The following SLC4A10 variants were observed in gnomAD, a reference collection of about 807,000 sequenced individuals.
SLC4A10 encodes the protein solute carrier family 4 member 10.
In SLC4A10, 42 loss-of-function variants were observed where a neutral mutation model predicts 137.7. The ratio of observed to expected loss-of-function variants is 0.30; its 90% CI spans 0.24 to 0.39. The LOEUF (loss-of-function observed/expected upper bound fraction) is 0.39, where lower values mean the gene tolerates loss of function less well. Ranked by LOEUF, SLC4A10 falls within the 10% of genes least tolerant of loss-of-function variation. The pLI is 1.00. For missense variants in SLC4A10, 925 were observed against 1,355.0 expected, an observed-to-expected ratio of 0.68 and a Z score of 4.98; for synonymous variants, 474 against 464.1, an observed-to-expected ratio of 1.02 and a Z score of -0.27.
At chr2:161,824,580 C>T (rs978428933) in intron 3 of SLC4A10, among the ~76,000 whole-genome samples, 34 of 151,902 alleles carry the variant, frequency 2.2e-4, no homozygotes, top group African/African-American at 7.5e-4. Context: ...GAAGATGACT[C>T]GATGAAGATG....
chr2:161,758,382 G>A (rs1243718687), intron 1 of SLC4A10, among the ~76,000 whole-genome samples: 3 of 151,738 alleles, frequency 2.0e-5, no homozygotes, highest in African/African-American at 7.3e-5. Flanking sequence ...ATCTCCTCAT[G>A]TTTTATTTAT....
intron 15 of SLC4A10, among the ~76,000 whole-genome samples, chr2:161,935,852 T>C (rs1349909339): frequency 6.6e-6 from 1 of 152,186 alleles, no homozygotes; most frequent in African/African-American, 2.4e-5. Flanking sequence ...GTAGGCATTC[T>C]TGTCTTATTC....
chr2:161,715,985 G>A (rs1055494691), intron 1 of SLC4A10, among the ~76,000 whole-genome samples: 1 of 151,958 alleles, frequency 6.6e-6, no homozygotes, highest in African/African-American at 2.4e-5. Flanking sequence ...CCACAGCCTC[G>A]CTAGCATCTG....
At chr2:161,793,875 G>T (rs1440085333) in intron 2 of SLC4A10, among the ~76,000 whole-genome samples, 4 of 152,156 alleles carry the variant, frequency 2.6e-5, no homozygotes, top group African/African-American at 9.6e-5. Flanking sequence ...ATAAGATTAT[G>T]CATGTTTTTC....
At chr2:161,950,659 A>T in intron 18 of SLC4A10, 28 bp from the exon 19 acceptor site, 1 of 1,561,630 alleles carries the variant, frequency 6.4e-7, no homozygotes. Context: ...TCCAGTTCAT[A>T]ACTATGCACA....
At chr2:161,806,460 C>G (rs542427611) in intron 3 of SLC4A10, among the ~76,000 whole-genome samples, 1 of 152,236 alleles carries the variant, frequency 6.6e-6, no homozygotes, top group Non-Finnish European at 1.5e-5. Context: ...TCCTTTGCTT[C>G]CTTTATAAAA....
Position 161,713,156 on chromosome 2 carries a change from T to C in SLC4A10, c.49-57817T>C, listed in dbSNP as rs550772286. Among the ~76,000 whole-genome samples the C allele has an allele frequency of 5.3e-5, 8 of 151,964 alleles. No homozygotes were observed. The South Asian group carries it at 1.7e-3, about 31-fold the overall frequency. ...ATAGTTCATTTTGGCTATAGCCTAG[T>C]GGGATAACTTAGACTTACCACAGGA... On this transcript the variant is annotated intron_variant, in intron 1 of 26. Transcript: ENST00000446997.
At chr2:161,752,325 G>A (rs191519363) in intron 1 of SLC4A10, among the ~76,000 whole-genome samples, 30 of 151,990 alleles carry the variant, frequency 2.0e-4, no homozygotes, top group African/African-American at 6.7e-4. Flanking sequence ...AGAGGATGAA[G>A]CACTTGTATT....
intron 1 of SLC4A10, among the ~76,000 whole-genome samples, chr2:161,673,649 A>T (rs983868140): frequency 7.2e-5 from 11 of 152,316 alleles, no homozygotes; most frequent in Non-Finnish European, 1.5e-4. Flanking sequence ...AATCTTGGGT[A>T]TAAAGTATTT....
At chr2:161,841,182 A>G (rs2059158065) in intron 4 of SLC4A10, among the ~76,000 whole-genome samples, 1 of 152,098 alleles carries the variant, frequency 6.6e-6, no homozygotes, top group Admixed American at 6.5e-5. Flanking sequence ...GGTTCAAGCC[A>G]TTCTCCTGCC....
chr2:161,826,074 GA>G (rs2058003944), intron 3 of SLC4A10, among the ~76,000 whole-genome samples: 1 of 152,076 alleles, frequency 6.6e-6, no homozygotes, highest in African/African-American at 2.4e-5. Flanking sequence ...TTATGTAAAT[GA>G]ATTAAAATCT....
intron 1 of SLC4A10, among the ~76,000 whole-genome samples, chr2:161,656,743 G>C (rs781303266): frequency 4.6e-5 from 7 of 152,044 alleles, no homozygotes; most frequent in Non-Finnish European, 7.4e-5. Flanking sequence ...TTGAACTTAG[G>C]CCTGAGAATT....
chr2:161,979,996 G>A (rs1699990040), intron 26 of SLC4A10, among the ~76,000 whole-genome samples: 1 of 152,168 alleles, frequency 6.6e-6, no homozygotes, highest in East Asian at 1.9e-4. Context: ...CTTATCTGGA[G>A]GATGTCTAAT....
Position 161,801,414 on chromosome 2 carries a change from C to T in SLC4A10, c.131-3035C>T, listed in dbSNP as rs533492611. 1.1e-4 allele frequency among the ~76,000 whole-genome samples: 17 copies of T among 152,056 alleles called. No individual in the cohort carries two copies. The South Asian group carries it at 3.3e-3, about 30-fold the overall frequency. ...CTCTTATCTTTCTATTTCAAAATTA[C>T]ACTGTCTGCTGTTTTCTCCAACTCC... On this transcript the variant is annotated intron_variant, in intron 2 of 26. Coordinates refer to ENST00000446997, the MANE Select transcript of SLC4A10 (RefSeq NM_001178015.2).
chr2:161,652,778 C>A (rs2036977040), intron 1 of SLC4A10, among the ~76,000 whole-genome samples: 2 of 110,656 alleles, frequency 1.8e-5, no homozygotes, highest in Admixed American at 2.2e-4. Flanking sequence ...CCTTGAAAAC[C>A]ACCGTTTATT....
At chr2:161,856,946 G>A (rs1039997122) in intron 5 of SLC4A10, among the ~76,000 whole-genome samples, 1 of 152,100 alleles carries the variant, frequency 6.6e-6, no homozygotes, top group African/African-American at 2.4e-5. Flanking sequence ...TTTGAAATGG[G>A]AAACAAAACT....
intron 1 of SLC4A10, among the ~76,000 whole-genome samples, chr2:161,698,321 T>G (rs1163076270): frequency 6.6e-6 from 1 of 152,244 alleles, no homozygotes; most frequent in African/African-American, 2.4e-5. Flanking sequence ...CTGATTGCCC[T>G]GGCCAGAGCT....
At chr2:161,796,114 G>A (rs1308990983) in intron 2 of SLC4A10, among the ~76,000 whole-genome samples, 2 of 151,834 alleles carry the variant, frequency 1.3e-5, no homozygotes, top group East Asian at 3.9e-4. Flanking sequence ...TCACTTTCCT[G>A]GTACTTTCAA....
chr2:161,916,389 T>G (rs750452347), intron 15 of SLC4A10, among the ~76,000 whole-genome samples: 13 of 152,308 alleles, frequency 8.5e-5, no homozygotes, highest in South Asian at 8.3e-4. Context: ...TTATCTTCAC[T>G]CTCTCTACCT....
Sources: allele counts gnomAD v4.1 joint callset (sites outside exome capture counted in the v4.1 genomes callset), GRCh38; gene constraint gnomAD v4.1.1; transcripts MANE v1.5; gene names NCBI Gene and HGNC (gene_info 2026-07-23, HGNC 2026-07-21).